Variants in UNC5D observed in about 807,000 individuals in gnomAD.
The protein encoded by UNC5D is unc-5 netrin receptor D.
A neutral mutation model predicts 105.4 loss-of-function variants in UNC5D; 39 were observed. The ratio of observed to expected loss-of-function variants is 0.37; its 90% CI spans 0.29 to 0.48. The LOEUF (loss-of-function observed/expected upper bound fraction) is 0.48, where lower values mean the gene tolerates loss of function less well. Ranked by LOEUF, UNC5D falls within the 20% of genes least tolerant of loss-of-function variation. UNC5D has a pLI of 0.98. For synonymous variants in UNC5D, 452 were observed against 450.4 expected, an observed-to-expected ratio of 1.00 and a Z score of -0.04; for missense variants, 991 against 1,202.4, an observed-to-expected ratio of 0.82 and a Z score of 2.60.
At chr8:35,469,415 A>G (rs1459174557) in intron 1 of UNC5D, among the ~76,000 whole-genome samples, 1 of 152,184 alleles carries the variant, frequency 6.6e-6, no homozygotes, top group Non-Finnish European at 1.5e-5. Flanking sequence ...AGTAAATAGT[A>G]TCTTCAGATC....
At chr8:35,665,215 A>C (rs948172694) in intron 4 of UNC5D, among the ~76,000 whole-genome samples, 4 of 152,182 alleles carry the variant, frequency 2.6e-5, no homozygotes, top group Non-Finnish European at 5.9e-5. Context: ...ACATTGTGCT[A>C]TTCAAGCTTT....
At chr8:35,273,082 C>A (rs1805530631) in intron 1 of UNC5D, among the ~76,000 whole-genome samples, 1 of 152,114 alleles carries the variant, frequency 6.6e-6, no homozygotes, top group Non-Finnish European at 1.5e-5. Context: ...TTGTCAGCCA[C>A]CAATACTCCC....
At chr8:35,391,647 T>C (rs1803782237) in intron 1 of UNC5D, among the ~76,000 whole-genome samples, 2 of 152,282 alleles carry the variant, frequency 1.3e-5, no homozygotes, top group African/African-American at 4.8e-5. Context: ...TAGACTTACG[T>C]AGTAGAGGAG....
intron 1 of UNC5D, among the ~76,000 whole-genome samples, chr8:35,278,056 C>G (rs1008641051): frequency 6.6e-6 from 1 of 152,140 alleles, no homozygotes; most frequent in African/African-American, 2.4e-5. Context: ...TTAGCCTCCC[C>G]CTTCCTTTCC....
chr8:35,284,302 T>C (rs1170113357), intron 1 of UNC5D, among the ~76,000 whole-genome samples: 1 of 152,222 alleles, frequency 6.6e-6, no homozygotes, highest in East Asian at 1.9e-4. Context: ...CATCTTTTAA[T>C]TGAATGCTTA....
rs549179416 is a variant in UNC5D at position 35,316,150 on chromosome 8, G to T, written c.103+80263G>T. Among the ~76,000 whole-genome samples the T allele has an allele frequency of 2.3e-4, 35 of 152,270 alleles. No individual in the cohort carries two copies. The East Asian group carries it at 6.2e-3, about 27-fold the overall frequency. On this transcript the variant is annotated intron_variant, in intron 1 of 16. Coordinates refer to ENST00000404895, the MANE Select transcript of UNC5D (RefSeq NM_080872.4). ...CTAAGGTAGTGGCAGTTGAATAGCT[G>T]TATTGTTTTATTTAAATTAAGGAAA...
rs1802276392 is a variant in UNC5D, at chr8:35,776,964, T to A, written c.2657+2487T>A. Among the ~76,000 whole-genome samples the A allele has an allele frequency of 1.3e-5, 2 of 152,032 alleles. 1 individual carries two copies. Among genetic ancestry groups the A allele is most frequent in the South Asian group, 4.2e-4 (2 of 4,818 alleles). On this transcript the variant is annotated intron_variant, in intron 16 of 16. Coordinates refer to ENST00000404895, the MANE Select transcript of UNC5D (RefSeq NM_080872.4). ...GGGAGAACCCTGTATCTACAAAGAA[T>A]TAACAAATTAGCCGGGTGCGGTGGC... is the stretch of plus-strand genomic sequence containing the variant.
chr8:35,357,849 G>C (rs1801646194), intron 1 of UNC5D, among the ~76,000 whole-genome samples: 1 of 151,998 alleles, frequency 6.6e-6, no homozygotes, highest in South Asian at 2.1e-4. Flanking sequence ...TTGCTGACTA[G>C]AAGCTATCAA....
intron 1 of UNC5D, among the ~76,000 whole-genome samples, chr8:35,284,302 T>G (rs1170113357): frequency 6.6e-6 from 1 of 152,222 alleles, no homozygotes; most frequent in African/African-American, 2.4e-5. Flanking sequence ...CATCTTTTAA[T>G]TGAATGCTTA....
chr8:35,241,912 T>C (rs1302265281), intron 1 of UNC5D, among the ~76,000 whole-genome samples: 1 of 152,240 alleles, frequency 6.6e-6, no homozygotes. Flanking sequence ...TACTGATCTA[T>C]CAGACACTGG....
intron 1 of UNC5D, among the ~76,000 whole-genome samples, chr8:35,272,955 A>C (rs1805520499): frequency 6.6e-6 from 1 of 152,174 alleles, no homozygotes; most frequent in African/African-American, 2.4e-5. Flanking sequence ...CTTTTAATTT[A>C]AGGAATGCCA....
rs377021599 is a variant in UNC5D at position 35,641,366 on chromosome 8, C to CAAA, written c.571-42164_571-42162dup. On this transcript the variant is annotated intron_variant, in intron 4 of 16. Coordinates refer to ENST00000404895, the MANE Select transcript of UNC5D (RefSeq NM_080872.4). ...TGCCAAACAAGAAAAAAAAATAAAGCAAAAAAAAAAAAAAAAAAAGAAAAA... is the reference window on the plus strand; with the variant it reads ...TGCCAAACAAGAAAAAAAAATAAAGCAAAAAAAAAAAAAAAAAAAAAAGAAAAA... Among the ~76,000 whole-genome samples, 57 of 44,270 alleles carry CAAA rather than the reference C, an allele frequency of 1.3e-3. 1 individual carries two copies. The highest frequency in any genetic ancestry group is 3.4e-3 in the East Asian group (4 of 1,186). The allele number at this position is 44,270 out of a possible 152,430, so 29.0% of individuals were successfully genotyped here.
At chr8:35,704,961 T>C (rs976679670) in intron 7 of UNC5D, among the ~76,000 whole-genome samples, 7 of 112,746 alleles carry the variant, frequency 6.2e-5, no homozygotes, top group Non-Finnish European at 1.2e-4. Context: ...GCTGAATGCC[T>C]TTTTTTTTTT....
chr8:35,423,927 A>G (rs1806079925), intron 1 of UNC5D, among the ~76,000 whole-genome samples: 1 of 148,836 alleles, frequency 6.7e-6, no homozygotes, highest in African/African-American at 2.5e-5. Context: ...GTCATAGTTC[A>G]CTGCAACTAC....
chr8:35,724,076 G>T lies in UNC5D; in HGVS notation c.1303+1681G>T, dbSNP rs1013863907. 20 of 1,339,396 alleles carry T rather than the reference G, an allele frequency of 1.5e-5. No individual in the cohort carries two copies. The Admixed American group carries it at 2.0e-4, about 13-fold the overall frequency. 83.0% of individuals were successfully genotyped at this position (1,339,396 alleles called of 1,614,324 possible). On this transcript the variant is annotated intron_variant, in intron 9 of 16. Coordinates refer to ENST00000404895, the MANE Select transcript of UNC5D (RefSeq NM_080872.4). ...CCTCTTACCCTAGTACAGGATGCCA[G>T]CGTGTTCCGTGGAGCACCAGGCAGC...
At chr8:35,483,790 G>A (rs1265291585) in intron 1 of UNC5D, among the ~76,000 whole-genome samples, 1 of 152,110 alleles carries the variant, frequency 6.6e-6, no homozygotes, top group African/African-American at 2.4e-5. Context: ...ATTTACAAGA[G>A]CAATGGTTGA....
rs916391711 is a variant in UNC5D at position 35,776,070 on chromosome 8, A to G, written c.2657+1593A>G. ...GTGTCAATTTCCCTTTCTGATCAACATGGATCCAAAAATGAAAAATGAACC... is the reference window on the plus strand; with the variant it reads ...GTGTCAATTTCCCTTTCTGATCAACGTGGATCCAAAAATGAAAAATGAACC... On this transcript the variant is annotated intron_variant, in intron 16 of 16. Coordinates refer to ENST00000404895, the MANE Select transcript of UNC5D (RefSeq NM_080872.4). Among the ~76,000 whole-genome samples the G allele has an allele frequency of 1.8e-4, 27 of 152,198 alleles. 1 individual carries two copies.
intron 9 of UNC5D, among the ~76,000 whole-genome samples, chr8:35,723,246 G>A (rs1039657343): frequency 9.2e-5 from 14 of 152,094 alleles, no homozygotes; most frequent in East Asian, 3.9e-4. Context: ...ACAGGCTTCC[G>A]AAGTGGAAAC....
At chr8:35,431,767 A>C (rs570940811) in intron 1 of UNC5D, among the ~76,000 whole-genome samples, 1 of 152,116 alleles carries the variant, frequency 6.6e-6, no homozygotes, top group Non-Finnish European at 1.5e-5. Flanking sequence ...ATCACAGTAC[A>C]TAGTTTTCAG....
Sources: gnomAD v4.1 joint callset for allele counts (sites outside exome capture counted in the v4.1 genomes callset) on GRCh38, gnomAD v4.1.1 for gene constraint, MANE v1.5 for transcripts, NCBI Gene and HGNC (gene_info 2026-07-23, HGNC 2026-07-21) for gene names.